Variants in SSH2 observed in about 807,000 individuals in gnomAD.
SSH2 encodes slingshot protein phosphatase 2.
SSH2 carries 37 observed loss-of-function variants against 135.2 expected under a neutral mutation model. The ratio of observed to expected loss-of-function variants is 0.27; its 90% CI spans 0.21 to 0.36. The LOEUF (loss-of-function observed/expected upper bound fraction) is 0.36, where lower values mean the gene tolerates loss of function less well. Among genes scored for constraint, SSH2 ranks in the 10% least tolerant of loss-of-function variants. The pLI is 1.00. For synonymous variants in SSH2, 628 were observed against 646.2 expected (o/e 0.97, Z 0.43); for missense variants, 1,408 against 1,765.3 (o/e 0.80, Z 3.63).
chr17:29,867,762 T>C (rs1158430634), intron 1 of SSH2, among the ~76,000 whole-genome samples: 1 of 152,174 alleles, frequency 6.6e-6, no homozygotes. Context: ...TGTCAGATGA[T>C]TGTGAAAAGA....
At chr17:29,750,569 C>T (rs1010446804) in intron 3 of SSH2, among the ~76,000 whole-genome samples, 1 of 151,830 alleles carries the variant, frequency 6.6e-6, no homozygotes, top group East Asian at 1.9e-4. Flanking sequence ...CCTCTGTTGC[C>T]CAGGCTGCAG....
intron 1 of SSH2, chr17:29,925,670 C>T (rs1266592573): frequency 2.3e-5 from 9 of 388,384 alleles, no homozygotes; most frequent in African/African-American, 1.5e-4. Context: ...GACTGTGCCA[C>T]TGCACTCCAG....
chr17:29,719,505 ACT>A (rs1182107524), intron 3 of SSH2, among the ~76,000 whole-genome samples: 1 of 149,412 alleles, frequency 6.7e-6, no homozygotes. Context: ...ACAGAGCAAG[ACT>A]CTGTCTCAAA....
At chr17:29,778,883 G>C (rs936955747) in intron 3 of SSH2, among the ~76,000 whole-genome samples, 17 of 139,232 alleles carry the variant, frequency 1.2e-4, no homozygotes, top group Admixed American at 2.2e-4. Flanking sequence ...ATGTAGCCAA[G>C]AGGATTTTGT....
At chr17:29,646,793 C>T (rs756305299) in intron 14 of SSH2, among the ~76,000 whole-genome samples, 5 of 151,794 alleles carry the variant, frequency 3.3e-5, no homozygotes, top group African/African-American at 4.8e-5. Context: ...CCACCACGCC[C>T]GGCCAAAATA....
chr17:29,801,442 C>G (rs1481525227), intron 2 of SSH2, among the ~76,000 whole-genome samples: 2 of 152,100 alleles, frequency 1.3e-5, no homozygotes, highest in Non-Finnish European at 2.9e-5. Context: ...CCAAACGTAC[C>G]TATTGACTTC....
Position 29,679,174 on chromosome 17 carries a change from C to T in SSH2, c.480-1433G>A, listed in dbSNP as rs1029888779. Among the ~76,000 whole-genome samples the T allele has an allele frequency of 5.3e-5, 8 of 152,230 alleles. No homozygotes were observed. In the East Asian group the frequency reaches 1.5e-3, roughly 29 times the overall value. ...GGCTACTGCCACTATCTCTCCTTAA[C>T]GCTGCTGTAACTGCTTTCCCACTCT... On this transcript the variant is annotated intron_variant, in intron 6 of 15. Transcript: ENST00000540801.
Position 29,913,347 on chromosome 17 carries a change from A to AAAAAAAAAAAAAAAAATTATATATATAT in SSH2, c.63+16590_63+16591insATATATATATAATTTTTTTTTTTTTTTT. Among the ~76,000 whole-genome samples, 5 of 28,786 alleles carry AAAAAAAAAAAAAAAAATTATATATATAT rather than the reference A, an allele frequency of 1.7e-4. 2 individuals carry two copies. Among genetic ancestry groups the AAAAAAAAAAAAAAAAATTATATATATAT allele is most frequent in the Non-Finnish European group, 2.9e-4 (5 of 16,996 alleles). 18.9% of individuals were successfully genotyped at this position (28,786 alleles called of 152,430 possible). ...AAAAAAAAAAAAAAAAAAAAAAAAAAATATATATATATATATATATATATA... is the reference window on the plus strand; with the variant it reads ...AAAAAAAAAAAAAAAAAAAAAAAAAAAAAAAAAAAAAAAAAATTATATATATATATATATATATATATATATATATATA... On this transcript the variant is annotated intron_variant, in intron 1 of 15. Coordinates refer to ENST00000540801, the MANE Select transcript of SSH2 (RefSeq NM_001282129.2).
chr17:29,644,535 G>A (rs1178749168), intron 14 of SSH2, among the ~76,000 whole-genome samples: 2 of 152,132 alleles, frequency 1.3e-5, no homozygotes, highest in Non-Finnish European at 2.9e-5. Flanking sequence ...ATGGCCAGGT[G>A]CGATGGCTCA....
intron 3 of SSH2, among the ~76,000 whole-genome samples, chr17:29,784,065 CAAAA>C (rs71138857): frequency 3.4e-3 from 28 of 8,228 alleles, no homozygotes; most frequent in African/African-American, 5.1e-3. Flanking sequence ...GACTCCGTCT[CAAAA>C]AAAAAAAAAA....
At chr17:29,823,572 A>G (rs1386051958) in intron 2 of SSH2, among the ~76,000 whole-genome samples, 1 of 151,966 alleles carries the variant, frequency 6.6e-6, no homozygotes, top group Non-Finnish European at 1.5e-5. Context: ...CTCCTAACCC[A>G]CTTGGGCACC....
At chr17:29,773,787 C>T (rs1024443274) in intron 3 of SSH2, among the ~76,000 whole-genome samples, 5 of 152,152 alleles carry the variant, frequency 3.3e-5, no homozygotes, top group African/African-American at 1.2e-4. Context: ...AAGCAATTCT[C>T]CTGTCTCAGC....
rs2040460695 is a variant in SSH2, at chr17:29,738,789, T to C, written c.189-35727A>G. Reference sequence around the variant, plus strand: ...CAGGATGGTCTCAATCTACTGACCTTGTGATCCGCCCGCCCCGGCCTCCCA... The same window carrying C: ...CAGGATGGTCTCAATCTACTGACCTCGTGATCCGCCCGCCCCGGCCTCCCA... On this transcript the variant is annotated intron_variant, in intron 3 of 15. Coordinates refer to ENST00000540801, the MANE Select transcript of SSH2 (RefSeq NM_001282129.2). Among the ~76,000 whole-genome samples the C allele has an allele frequency of 2.6e-5, 4 of 151,942 alleles. No individual in the cohort carries two copies. The South Asian group carries it at 6.2e-4, about 24-fold the overall frequency.
At chr17:29,811,846 G>C (rs548422200) in intron 2 of SSH2, among the ~76,000 whole-genome samples, 6 of 152,292 alleles carry the variant, frequency 3.9e-5, no homozygotes, top group African/African-American at 1.4e-4. Context: ...GGACAGGCAT[G>C]AACCAAATAA....
chr17:29,631,749 T>C lies in SSH2; in HGVS notation c.3445A>G (p.Thr1149Ala), dbSNP rs1247325903. Residue 1149 changes from threonine (T) to alanine (A), a missense_variant, in exon 16 of 16, where the codon ACC (threonine) becomes GCC (alanine). Physicochemically the swap from Thr to Ala is moderately conservative, Grantham distance 58 (BLOSUM62 0). Coordinates refer to ENST00000540801, the MANE Select transcript of SSH2 (RefSeq NM_001282129.2). ...ETAAPFVSHT[T>A]HLLSASLDYL... is the part of the protein sequence containing the mutation. ...TCCAAACTGGCAGACAGTAAATGGGTTGTATGACTGACAAAAGGTGCTGCT... is the reference window on the plus strand; with the variant it reads ...TCCAAACTGGCAGACAGTAAATGGGCTGTATGACTGACAAAAGGTGCTGCT... The C allele has an allele frequency of 1.2e-6, 2 of 1,614,076 alleles. No homozygotes were observed. Among genetic ancestry groups the C allele is most frequent in the South Asian group, 1.1e-5 (1 of 91,076 alleles).
chr17:29,920,112 G>A (rs2151484861), intron 1 of SSH2, among the ~76,000 whole-genome samples: 1 of 152,204 alleles, frequency 6.6e-6, no homozygotes, highest in African/African-American at 2.4e-5. Context: ...CTCCATGTTG[G>A]TCAGGCTGGT....
chr17:29,804,758 A>G (rs1381294776), intron 2 of SSH2, among the ~76,000 whole-genome samples: 2 of 151,726 alleles, frequency 1.3e-5, no homozygotes, highest in Admixed American at 6.6e-5. Flanking sequence ...TATAACCTCA[A>G]ATTCCTGGGT....
intron 3 of SSH2, among the ~76,000 whole-genome samples, chr17:29,709,013 TATAGAGAGAG>T (rs1303919181): frequency 4.8e-4 from 42 of 88,164 alleles, no homozygotes; most frequent in African/African-American, 1.4e-3. Flanking sequence ...TATATATATA[TATAGAGAGAG>T]AGAGAGAGAG....
intron 6 of SSH2, 73 bp downstream of exon 6, chr17:29,684,490 A>T (rs1271893459): frequency 6.2e-5 from 86 of 1,391,682 alleles, no homozygotes; most frequent in South Asian, 1.1e-4. Flanking sequence ...CATTAAAAAA[A>T]AAAAAAAAAA....
Sources: gnomAD v4.1 joint callset for allele counts (sites outside exome capture counted in the v4.1 genomes callset) on GRCh38, gnomAD v4.1.1 for gene constraint, MANE v1.5 for transcripts, NCBI Gene and HGNC (gene_info 2026-07-23, HGNC 2026-07-21) for gene names.